Variants in IL1RAPL2 observed in about 807,000 individuals in gnomAD.
IL1RAPL2 encodes the protein X-linked interleukin-1 receptor accessory protein-like 2.
A neutral mutation model predicts 44.1 loss-of-function variants in IL1RAPL2; 3 were observed. That is an observed-to-expected ratio of 0.07 (90% CI 0.03 to 0.18). The LOEUF is 0.18. Among genes scored for constraint, IL1RAPL2 ranks in the 10% least tolerant of loss-of-function variants. The pLI is 1.00. For missense variants in IL1RAPL2, 391 were observed against 496.4 expected (o/e 0.79, Z 2.02); for synonymous variants, 181 against 178.8 (o/e 1.01, Z -0.10).
chrX:104,642,350 A>G (rs1463069212), intron 1 of IL1RAPL2, among the ~76,000 whole-genome samples: 3 of 112,487 alleles, frequency 2.7e-5, no homozygotes, highest in African/African-American at 9.7e-5. Context: ...ATGATGGTGT[A>G]ATATTCCACC....
chrX:105,331,140 A>G (rs1176917004), intron 5 of IL1RAPL2, among the ~76,000 whole-genome samples: 3 of 111,599 alleles, frequency 2.7e-5, no homozygotes, highest in Non-Finnish European at 5.7e-5. Context: ...ACCTCAACCT[A>G]TTTTGTTAGT....
chrX:104,841,150 T>C (rs1921892241), intron 2 of IL1RAPL2, among the ~76,000 whole-genome samples: 2 of 112,226 alleles, frequency 1.8e-5, no homozygotes, highest in South Asian at 7.4e-4. Flanking sequence ...AATGCCCTTC[T>C]TTGTCTTTTT....
intron 2 of IL1RAPL2, among the ~76,000 whole-genome samples, chrX:105,159,466 T>C (rs886946789): frequency 1.1e-4 from 12 of 112,015 alleles, no homozygotes; most frequent in Admixed American, 2.8e-4. Flanking sequence ...GGATAGGAAA[T>C]GAGATATGAA....
At chrX:105,674,774 G>T (rs1270024950) in intron 6 of IL1RAPL2, among the ~76,000 whole-genome samples, 1 of 111,635 alleles carries the variant, frequency 9.0e-6, no homozygotes, top group Non-Finnish European at 1.9e-5. Context: ...TCATGATATT[G>T]GTTCTTCCTA....
chrX:104,897,425 G>A (rs1255084572), intron 2 of IL1RAPL2, among the ~76,000 whole-genome samples: 1 of 112,080 alleles, frequency 8.9e-6, no homozygotes, highest in Non-Finnish European at 1.9e-5. Context: ...CCCAGAGACA[G>A]AAAGTGAAAG....
intron 1 of IL1RAPL2, among the ~76,000 whole-genome samples, chrX:104,652,804 C>A (rs776295892): frequency 1.8e-5 from 2 of 111,417 alleles, no homozygotes; most frequent in Non-Finnish European, 3.8e-5. Flanking sequence ...GATTTTAAAG[C>A]TTTGGCTTGC....
At chrX:104,743,062 G>A (rs777140593) in intron 2 of IL1RAPL2, among the ~76,000 whole-genome samples, 3 of 111,052 alleles carry the variant, frequency 2.7e-5, no homozygotes, top group Non-Finnish European at 5.7e-5. Context: ...AACTACTGCC[G>A]ACTTAGAATT....
chrX:105,703,162 T>TG (rs1204641667), intron 6 of IL1RAPL2, among the ~76,000 whole-genome samples: 1 of 111,356 alleles, frequency 9.0e-6, no homozygotes, highest in African/African-American at 3.3e-5. Flanking sequence ...TTCTTTGTTG[T>TG]GGGGGATGTC....
chrX:104,891,994 T>C (rs1186369218), intron 2 of IL1RAPL2, among the ~76,000 whole-genome samples: 5 of 111,771 alleles, frequency 4.5e-5, no homozygotes, highest in African/African-American at 1.3e-4. Flanking sequence ...ATTGATAGTC[T>C]TTAGTATGAA....
chrX:104,725,855 GTT>G (rs1931779608), intron 2 of IL1RAPL2, among the ~76,000 whole-genome samples: 1 of 111,705 alleles, frequency 9.0e-6, no homozygotes, highest in African/African-American at 3.3e-5. Context: ...TCTGATGATA[GTT>G]TCTTTTGATG....
At chrX:104,631,818 T>G (rs1602652475) in intron 1 of IL1RAPL2, among the ~76,000 whole-genome samples, 1 of 110,644 alleles carries the variant, frequency 9.0e-6, no homozygotes, top group Admixed American at 9.6e-5. Context: ...GGTAGTTTCT[T>G]TTGCTGTGCA....
chrX:105,340,285 A>G (rs887913445), intron 5 of IL1RAPL2, among the ~76,000 whole-genome samples: 2 of 110,941 alleles, frequency 1.8e-5, no homozygotes, highest in African/African-American at 6.6e-5. Flanking sequence ...AGCACAACCA[A>G]TCTATCAGGA....
At chrX:104,639,235 T>C (rs1929886405) in intron 1 of IL1RAPL2, among the ~76,000 whole-genome samples, 1 of 111,796 alleles carries the variant, frequency 8.9e-6, no homozygotes, top group Non-Finnish European at 1.9e-5. Flanking sequence ...TGACATAAGT[T>C]ATGTCAGTAG....
intron 2 of IL1RAPL2, among the ~76,000 whole-genome samples, chrX:105,026,367 C>G (rs986927001): frequency 1.8e-5 from 2 of 110,369 alleles, no homozygotes; most frequent in African/African-American, 6.6e-5. Context: ...CTTTGAGCAT[C>G]ATGCAGGTGC....
intron 6 of IL1RAPL2, among the ~76,000 whole-genome samples, chrX:105,590,322 A>G (rs1386326394): frequency 9.0e-6 from 1 of 111,185 alleles, no homozygotes; most frequent in Non-Finnish European, 1.9e-5. Flanking sequence ...ATTATCTGCA[A>G]ACAGAGATAG....
chrX:104,646,759 A>G (rs1930047858), intron 1 of IL1RAPL2, among the ~76,000 whole-genome samples: 1 of 111,531 alleles, frequency 9.0e-6, no homozygotes. Context: ...ACATTGACAA[A>G]TAAATGCTCT....
intron 5 of IL1RAPL2, among the ~76,000 whole-genome samples, chrX:105,476,303 C>A (rs1434420622): frequency 2.7e-5 from 3 of 112,507 alleles, no homozygotes; most frequent in Non-Finnish European, 5.6e-5. Context: ...CTCAGCAGTT[C>A]TCAATAATTT....
intron 2 of IL1RAPL2, among the ~76,000 whole-genome samples, chrX:105,012,026 A>G (rs889464842): frequency 9.0e-6 from 1 of 111,538 alleles, no homozygotes; most frequent in African/African-American, 3.3e-5. Context: ...AACCATCTTT[A>G]ATCACAGGAT....
intron 2 of IL1RAPL2, among the ~76,000 whole-genome samples, chrX:105,144,470 T>G (rs752687442): frequency 9.0e-6 from 1 of 111,235 alleles, no homozygotes; most frequent in Admixed American, 9.6e-5. Flanking sequence ...CTTAAACCCT[T>G]CAGTGACTCC....
Sources: allele counts gnomAD v4.1 joint callset (sites outside exome capture counted in the v4.1 genomes callset), GRCh38; gene constraint gnomAD v4.1.1; transcripts MANE v1.5; gene names NCBI Gene and HGNC (gene_info 2026-07-23, HGNC 2026-07-21).